PALM2AKAP2: variants seen among roughly 807,000 people sequenced by gnomAD.
PALM2AKAP2 encodes PALM2-AKAP2 fusion protein.
PALM2AKAP2 carries 37 observed loss-of-function variants against 71.5 expected under a neutral mutation model. The observed-to-expected ratio is 0.52, with a 90% CI of 0.40 to 0.68. The LOEUF (loss-of-function observed/expected upper bound fraction) is 0.68, where lower values mean the gene tolerates loss of function less well. Ranked by LOEUF, PALM2AKAP2 falls within the 30% of genes least tolerant of loss-of-function variation. The pLI is 0.00. For missense variants in PALM2AKAP2, 1,224 were observed against 1,191.8 expected, an observed-to-expected ratio of 1.03 and a Z score of -0.40; for synonymous variants, 468 against 478.8, an observed-to-expected ratio of 0.98 and a Z score of 0.29.
intron 3 of PALM2AKAP2, among the ~76,000 whole-genome samples, chr9:109,916,025 C>T (rs2131916190): frequency 6.6e-6 from 1 of 152,064 alleles, no homozygotes; most frequent in Middle Eastern, 3.4e-3. Context: ...CTCACTGCAA[C>T]CTCTGCCTCC....
chr9:110,112,387 AG>A (rs1835272374), intron 1 of PALM2AKAP2, among the ~76,000 whole-genome samples: 1 of 152,124 alleles, frequency 6.6e-6, no homozygotes, highest in African/African-American at 2.4e-5. Flanking sequence ...TTAAGCTCTG[AG>A]CTTCAATGTG....
chr9:110,124,325 C>G (rs1461540082), intron 1 of PALM2AKAP2, among the ~76,000 whole-genome samples: 1 of 152,176 alleles, frequency 6.6e-6, no homozygotes, highest in South Asian at 2.1e-4. Context: ...CCCAAATGAG[C>G]TGGCCCCACA....
At chr9:109,656,487 G>T (rs1299029969) in intron 1 of PALM2AKAP2, among the ~76,000 whole-genome samples, 1 of 152,186 alleles carries the variant, frequency 6.6e-6, no homozygotes, top group Admixed American at 6.5e-5. Flanking sequence ...TCCAAGTGAG[G>T]GGCCGTGGCT....
chr9:109,758,183 A>C (rs1455978753), intron 1 of PALM2AKAP2, among the ~76,000 whole-genome samples: 1 of 152,104 alleles, frequency 6.6e-6, no homozygotes, highest in South Asian at 2.1e-4. Context: ...CTTGCTCCCC[A>C]TCAGTGCATG....
chr9:110,156,987 A>G (rs1836474166), intron 3 of PALM2AKAP2, among the ~76,000 whole-genome samples: 1 of 152,236 alleles, frequency 6.6e-6, no homozygotes, highest in African/African-American at 2.4e-5. Flanking sequence ...GGCTGTTAAC[A>G]AGCCCATGTG....
chr9:109,812,721 C>G (rs986097234), intron 1 of PALM2AKAP2, among the ~76,000 whole-genome samples: 1 of 152,166 alleles, frequency 6.6e-6, no homozygotes, highest in Admixed American at 6.5e-5. Context: ...CAGCTTTATT[C>G]TTCCCTAGGG....
chr9:109,937,678 C>T (rs1672668643), intron 6 of PALM2AKAP2, among the ~76,000 whole-genome samples: 1 of 152,132 alleles, frequency 6.6e-6, no homozygotes, highest in Non-Finnish European at 1.5e-5. Context: ...TTAATAAAAA[C>T]ATACTTCCAG....
chr9:109,746,999 T>A (rs1323926203), intron 1 of PALM2AKAP2, among the ~76,000 whole-genome samples: 1 of 152,130 alleles, frequency 6.6e-6, no homozygotes, highest in African/African-American at 2.4e-5. Flanking sequence ...TCCAGTTGGA[T>A]TGGAGTATGG....
At chr9:109,916,123 T>C (rs1484948276) in intron 3 of PALM2AKAP2, among the ~76,000 whole-genome samples, 1 of 152,186 alleles carries the variant, frequency 6.6e-6, no homozygotes, top group Non-Finnish European at 1.5e-5. Context: ...TTTGTATTTT[T>C]AGTAGAGACG....
intron 1 of PALM2AKAP2, among the ~76,000 whole-genome samples, chr9:109,797,952 G>T (rs747211742): frequency 1.5e-4 from 23 of 152,120 alleles, no homozygotes; most frequent in Admixed American, 8.5e-4. Flanking sequence ...TTATAATAAA[G>T]TGCCACAAAT....
intron 1 of PALM2AKAP2, among the ~76,000 whole-genome samples, chr9:110,057,389 G>T (rs66957889): frequency 0.26 from 33,628 of 129,530 alleles, 4,440 homozygotes; most frequent in East Asian, 0.4. Flanking sequence ...TTGTTTTTTT[G>T]TTTTTTTTTT....
At chr9:109,695,535 TC>T (rs1449334822) in intron 1 of PALM2AKAP2, among the ~76,000 whole-genome samples, 1 of 152,174 alleles carries the variant, frequency 6.6e-6, no homozygotes, top group African/African-American at 2.4e-5. Context: ...GATTTGCGTT[TC>T]CCTGATGATT....
intron 1 of PALM2AKAP2, among the ~76,000 whole-genome samples, chr9:110,095,197 C>T (rs1490227552): frequency 6.6e-6 from 1 of 152,202 alleles, no homozygotes; most frequent in Non-Finnish European, 1.5e-5. Context: ...CCCTTGTGCC[C>T]TGGGACTTTT....
intron 1 of PALM2AKAP2, among the ~76,000 whole-genome samples, chr9:109,854,789 T>TTTTTTTTG: frequency 6.8e-6 from 1 of 147,420 alleles, no homozygotes; most frequent in African/African-American, 2.5e-5. Flanking sequence ...TTTTTTTTTT[T>TTTTTTTTG]TAGATGGAGT....
intron 5 of PALM2AKAP2, among the ~76,000 whole-genome samples, chr9:109,929,674 C>T (rs1016471510): frequency 1.1e-4 from 16 of 152,014 alleles, no homozygotes; most frequent in Admixed American, 6.5e-4. Flanking sequence ...ACCATCCTGG[C>T]TAACACAGTG....
At chr9:110,028,517 T>C (rs1315363418) in intron 7 of PALM2AKAP2, among the ~76,000 whole-genome samples, 1 of 152,234 alleles carries the variant, frequency 6.6e-6, no homozygotes, top group Non-Finnish European at 1.5e-5. Context: ...AATCCCATTC[T>C]ACAGATGTGG....
intron 1 of PALM2AKAP2, among the ~76,000 whole-genome samples, chr9:110,089,671 C>T (rs1196322114): frequency 6.6e-6 from 1 of 152,226 alleles, no homozygotes; most frequent in Non-Finnish European, 1.5e-5. Flanking sequence ...GCCTTGACTT[C>T]ATTTTGTATC....
chr9:109,992,956 G>T (rs3063878), intron 6 of PALM2AKAP2, among the ~76,000 whole-genome samples: 44,528 of 121,914 alleles, frequency 0.37, 6,821 homozygotes, highest in Non-Finnish European at 0.41. Context: ...TATATATATA[G>T]AGAGAGAGAG....
intron 1 of PALM2AKAP2, among the ~76,000 whole-genome samples, chr9:109,691,909 C>CATATATATATAT (rs1564115005): frequency 1.1e-5 from 1 of 89,084 alleles, no homozygotes; most frequent in East Asian, 3.0e-4. Context: ...TATACACACA[C>CATATATATATAT]ACATATATAT....
Sources: gnomAD v4.1 joint callset for allele counts (sites outside exome capture counted in the v4.1 genomes callset) on GRCh38, gnomAD v4.1.1 for gene constraint, MANE v1.5 for transcripts, NCBI Gene and HGNC (gene_info 2026-07-23, HGNC 2026-07-21) for gene names.